KIF1A: variants seen among roughly 807,000 people sequenced by gnomAD.
KIF1A encodes the protein kinesin-like protein KIF1A.
KIF1A carries 46 observed loss-of-function variants against 227.3 expected under a neutral mutation model. That is an observed-to-expected ratio of 0.20 (90% CI 0.16 to 0.26). KIF1A has a LOEUF of 0.26. Ranked by LOEUF, KIF1A falls within the 10% of genes least tolerant of loss-of-function variation. KIF1A has a pLI of 1.00. For missense variants in KIF1A, 1,683 were observed against 2,485.9 expected (o/e 0.68, Z 6.87); for synonymous variants, 1,022 against 1,012.8 (o/e 1.01, Z -0.17).
intron 38 of KIF1A, among the ~76,000 whole-genome samples, chr2:240,731,110 A>C (rs970298513): frequency 6.6e-6 from 1 of 152,198 alleles, no homozygotes; most frequent in Admixed American, 6.5e-5. Context: ...TCTGCAGTAG[A>C]TCCACACAGA....
At chr2:240,810,345 T>TACTCAACC (rs1213808619) in intron 1 of KIF1A, among the ~76,000 whole-genome samples, 1 of 152,166 alleles carries the variant, frequency 6.6e-6, no homozygotes, top group Non-Finnish European at 1.5e-5. Flanking sequence ...CATGAAAAGA[T>TACTCAACC]ACTCAACCAC....
At chr2:240,799,423 T>C (rs958843081) in intron 1 of KIF1A, among the ~76,000 whole-genome samples, 1 of 152,194 alleles carries the variant, frequency 6.6e-6, no homozygotes, top group African/African-American at 2.4e-5. Context: ...GGGAGGGGGA[T>C]GTGCCAGGCC....
In KIF1A at chr2:240,772,574, G is replaced by A. The variant is rs1302485993; in HGVS notation, c.1203C>T (p.Pro401=). 1.3e-6 allele frequency: 2 copies of A among 1,548,742 alleles called. No individual in the cohort carries two copies. Among genetic ancestry groups the A allele is most frequent in the African/African-American group, 1.4e-5 (1 of 73,018 alleles). Residue 401 remains proline (P), a synonymous_variant, in exon 14 of 49, where the codon CCC becomes CCT. Coordinates refer to ENST00000498729, the MANE Select transcript of KIF1A (RefSeq NM_001244008.2). ...AGCAGCAAAGGGAATACACACATTT[G>A]GGTCCTCCAGGCACAGTGTTGGCTA... The part of the protein sequence containing the change: ...ITDTNTVPGG[P]KLTNALVGMS...
intron 10 of KIF1A, among the ~76,000 whole-genome samples, chr2:240,777,931 C>A (rs902403645): frequency 6.6e-6 from 1 of 152,212 alleles, no homozygotes; most frequent in South Asian, 2.1e-4. Context: ...GACAGTCACG[C>A]GGTTCCCACG....
At chr2:240,744,483 A>G (rs1234824096) in intron 32 of KIF1A, among the ~76,000 whole-genome samples, 3 of 152,208 alleles carry the variant, frequency 2.0e-5, no homozygotes, top group Non-Finnish European at 4.4e-5. Flanking sequence ...GAATGAGAGT[A>G]TATCCTGGGA....
intron 32 of KIF1A, 76 bp downstream of exon 32, chr2:240,745,351 A>T: frequency 8.8e-7 from 1 of 1,132,744 alleles, no homozygotes. Context: ...CAGAAGAGGG[A>T]GAATGAGCCA....
At chr2:240,782,375 C>T (rs1316159273) in intron 10 of KIF1A, among the ~76,000 whole-genome samples, 3 of 152,176 alleles carry the variant, frequency 2.0e-5, no homozygotes, top group Admixed American at 6.5e-5. Context: ...CAGGCCCTGC[C>T]GTGAGGCCGC....
At chr2:240,746,251 G>A in intron 29 of KIF1A, 74 bp from the exon 30 acceptor site, 1 of 1,507,680 alleles carries the variant, frequency 6.6e-7, no homozygotes, top group Non-Finnish European at 8.9e-7. Context: ...CCTGCCACAG[G>A]CCCACGGGAG....
Position 240,794,936 on chromosome 2 carries a change from C to T in KIF1A, c.106+2711G>A, listed in dbSNP as rs573635075. ...AGGATGAAAGTGACAATGTCTGAAA[C>T]ATTCCAGGTGTCCTGGAGGAAATGC... is the stretch of plus-strand genomic sequence containing the variant. On this transcript the variant is annotated intron_variant, in intron 2 of 48. Transcript: ENST00000498729. Among the ~76,000 whole-genome samples, 8 of 152,346 alleles carry T rather than the reference C, an allele frequency of 5.3e-5. No homozygotes were observed. In the East Asian group the frequency reaches 1.5e-3, roughly 29 times the overall value.
chr2:240,791,096 G>A (rs2055607968), intron 2 of KIF1A, among the ~76,000 whole-genome samples: 1 of 152,070 alleles, frequency 6.6e-6, no homozygotes, highest in South Asian at 2.1e-4. Flanking sequence ...CAGCCAGCAG[G>A]AGGGAGCTGG....
rs374122635 is a variant in KIF1A at position 240,786,135 on chromosome 2, A to G, written c.608+200T>C. 5.7e-3 allele frequency among the ~76,000 whole-genome samples: 865 copies of G among 152,334 alleles called. 7 individuals carry two copies. Among genetic ancestry groups the G allele is most frequent in the African/African-American group, 0.02 (816 of 41,584 alleles). On this transcript the variant is annotated intron_variant, in intron 6 of 48. Transcript: ENST00000498729. ...GAAGGAGAAGCCCCATGGAGGTGAC[A>G]GTGTCCCCTGCACAGGGGGAGCCCT...
At chr2:240,782,490 A>T in intron 10 of KIF1A, 100 bp downstream of exon 10, 1 of 1,294,444 alleles carries the variant, frequency 7.7e-7, no homozygotes, top group Non-Finnish European at 1.1e-6. Flanking sequence ...CTCCCAGCGC[A>T]CTCACTGCCC....
chr2:240,759,611 C>T (rs988528591), intron 25 of KIF1A, among the ~76,000 whole-genome samples: 1 of 152,166 alleles, frequency 6.6e-6, no homozygotes, highest in Non-Finnish European at 1.5e-5. Context: ...TGTAGCCCTG[C>T]AGGGTGGGGC....
intron 2 of KIF1A, among the ~76,000 whole-genome samples, chr2:240,797,223 G>A (rs2056500809): frequency 6.6e-6 from 1 of 152,240 alleles, no homozygotes; most frequent in African/African-American, 2.4e-5. Context: ...AAACCCAGTG[G>A]TGGGTGTCCT....
chr2:240,774,145 G>T, intron 12 of KIF1A, 38 bp downstream of exon 12: 2 of 1,356,048 alleles, frequency 1.5e-6, no homozygotes, highest in African/African-American at 1.4e-5. Context: ...CCAAGACCAG[G>T]GAGCGGGAAG....
In KIF1A at chr2:240,757,018, T is replaced by C. The variant is rs1252039762; in HGVS notation, c.2858+301A>G. Among the ~76,000 whole-genome samples the C allele has an allele frequency of 1.3e-5, 2 of 152,160 alleles. No individual in the cohort carries two copies. Among genetic ancestry groups the C allele is most frequent in the East Asian group, 1.9e-4 (1 of 5,176 alleles). On this transcript the variant is annotated intron_variant, in intron 27 of 48. Transcript: ENST00000498729. This position sits in a 1 kb window ranked among gnomAD's most constrained non-coding sequence, Gnocchi z 6.2. ...TCCTACGGCCTCTCTGCAGAAATAG[T>C]CCCACCTGCCTGGGGCCACAGCTGC...
chr2:240,808,888 G>A (rs551586236), intron 1 of KIF1A, among the ~76,000 whole-genome samples: 58 of 152,000 alleles, frequency 3.8e-4, no homozygotes, highest in African/African-American at 1.3e-3. Flanking sequence ...CCACCACCAC[G>A]CCCGGCTAAT....
At chr2:240,814,063 A>T (rs1232508115) in intron 1 of KIF1A, among the ~76,000 whole-genome samples, 1 of 152,224 alleles carries the variant, frequency 6.6e-6, no homozygotes, top group East Asian at 1.9e-4. Context: ...ACTTTAGAAT[A>T]TAAACAAGGA....
chr2:240,738,290 C>T (rs1427041857), intron 37 of KIF1A, among the ~76,000 whole-genome samples: 1 of 152,206 alleles, frequency 6.6e-6, no homozygotes, highest in Non-Finnish European at 1.5e-5. Flanking sequence ...GGGCTGGGGT[C>T]CTGACCCTCT....
Sources: gnomAD v4.1 joint callset for allele counts (sites outside exome capture counted in the v4.1 genomes callset) on GRCh38, gnomAD v4.1.1 for gene constraint, Gnocchi (gnomAD v3.1) non-coding constraint, MANE v1.5 for transcripts, NCBI Gene and HGNC (gene_info 2026-07-23, HGNC 2026-07-21) for gene names.